The following MTR variants were observed in gnomAD, a reference collection of about 807,000 sequenced individuals.
MTR encodes the protein methionine synthase.
In MTR, 84 loss-of-function variants were observed where a neutral mutation model predicts 154.8. That is an observed-to-expected ratio of 0.54 (90% CI 0.45 to 0.65). The LOEUF (loss-of-function observed/expected upper bound fraction) is 0.65. MTR is among the 30% of genes least tolerant of loss of function. The pLI is 0.00. For synonymous variants in MTR, 554 were observed against 553.9 expected (o/e 1.00, Z 0.00); for missense variants, 1,275 against 1,570.2 (o/e 0.81, Z 3.18).
chr1:236,880,916 T>G, intron 25 of MTR, 80 bp downstream of exon 25: 1 of 1,337,106 alleles, frequency 7.5e-7, no homozygotes, highest in African/African-American at 1.4e-5. Flanking sequence ...TAAGATCTAT[T>G]CATTTTTATT....
At chr1:236,842,784 G>GTATCTATATATATA (rs1663334462) in intron 15 of MTR, among the ~76,000 whole-genome samples, 1 of 144,422 alleles carries the variant, frequency 6.9e-6, no homozygotes, top group Non-Finnish European at 1.5e-5. Flanking sequence ...AAAAAAAGAT[G>GTATCTATATATATA]TATATATATA....
At position 236,903,275 on chromosome 1, in the gene MTR, T is replaced by G. The variant is rs1160232951; in HGVS notation, c.*5631T>G. 6.6e-6 allele frequency: 1 copy of G among 152,204 alleles called. No homozygotes were observed. Among genetic ancestry groups the G allele is most frequent in the South Asian group, 2.1e-4 (1 of 4,834 alleles). The allele number at this position is 152,204 out of a possible 1,614,324, so 9.4% of individuals were successfully genotyped here. On this transcript the variant is annotated 3_prime_UTR_variant, in exon 33 of 33. Transcript: ENST00000366577. ...CTGCACTGTTTCAAATTTTTACAAG[T>G]GTATGTTATTGTACTTTTAAAAAGA... is the stretch of plus-strand genomic sequence containing the variant.
chr1:236,899,718 T>C lies in MTR; in HGVS notation c.*2074T>C, dbSNP rs759777373. The C allele has an allele frequency of 6.6e-6, 1 of 152,184 alleles. No individual in the cohort carries two copies. The highest frequency in any genetic ancestry group is 2.4e-5 in the African/African-American group (1 of 41,434). 9.4% of individuals were successfully genotyped at this position (152,184 alleles called of 1,614,324 possible). On this transcript the variant is annotated 3_prime_UTR_variant, in exon 33 of 33. Coordinates refer to ENST00000366577, the MANE Select transcript of MTR (RefSeq NM_000254.3). ...AGATGATCCACAACTTGAGAAGACATTTATAATACAAATAACTGATGAAGG... is the reference window on the plus strand; with the variant it reads ...AGATGATCCACAACTTGAGAAGACACTTATAATACAAATAACTGATGAAGG...
intron 14 of MTR, among the ~76,000 whole-genome samples, chr1:236,837,030 T>A (rs1662948195): frequency 6.6e-6 from 1 of 152,144 alleles, no homozygotes; most frequent in Non-Finnish European, 1.5e-5. Context: ...CTACAGTAAT[T>A]TCTTATCTTT....
chr1:236,816,595 T>TAA (rs772058343), intron 8 of MTR, 52 bp downstream of exon 8: 42 of 1,460,306 alleles, frequency 2.9e-5, no homozygotes, highest in Non-Finnish European at 3.8e-5. Flanking sequence ...GAACCTTTTC[T>TAA]GATGGCTGTG....
intron 27 of MTR, 68 bp downstream of exon 27, chr1:236,886,435 C>G (rs1666015044): frequency 6.9e-7 from 1 of 1,453,890 alleles, no homozygotes; most frequent in Non-Finnish European, 9.6e-7. Flanking sequence ...GAAATACATG[C>G]ATTTACTTGG....
intron 8 of MTR, chr1:236,820,013 C>CT: frequency 9.8e-7 from 1 of 1,025,090 alleles, no homozygotes; most frequent in Non-Finnish European, 1.5e-6. Context: ...TGGTTACTGA[C>CT]TCGAGGGCTG....
At chr1:236,838,638 A>G in intron 15 of MTR, 39 bp downstream of exon 15, 1 of 1,611,308 alleles carries the variant, frequency 6.2e-7, no homozygotes, top group Non-Finnish European at 8.5e-7. Context: ...TGTGTTTCCC[A>G]GGTTAGATAG....
At chr1:236,849,341 C>T (rs1332318593) in intron 15 of MTR, among the ~76,000 whole-genome samples, 3 of 151,728 alleles carry the variant, frequency 2.0e-5, no homozygotes, top group Admixed American at 6.6e-5. Context: ...AATAAAACAA[C>T]GAAAAATACT....
At position 236,852,650 on chromosome 1, in the gene MTR, A is replaced by T. The variant is rs775496609; in HGVS notation, c.1812+13A>T. 5 of 1,608,614 alleles carry T rather than the reference A, an allele frequency of 3.1e-6. No individual in the cohort carries two copies. Among genetic ancestry groups the T allele is most frequent in the Non-Finnish European group, 3.4e-6 (4 of 1,175,050 alleles). ...CCATGCAATCAAGGTATGGTAGAAG[A>T]ACTCTTAGCCCTGCGGAAACCAGTT... is the stretch of plus-strand genomic sequence containing the variant. On this transcript the variant is annotated intron_variant, in intron 17 of 32. Transcript: ENST00000366577.
chr1:236,894,062 G>T (rs1666482245), intron 29 of MTR, among the ~76,000 whole-genome samples: 1 of 151,964 alleles, frequency 6.6e-6, no homozygotes, highest in East Asian at 1.9e-4. Context: ...TAAATGTTTG[G>T]TCAGTGTGTG....
At chr1:236,886,436 A>G (rs1666015207) in intron 27 of MTR, 69 bp downstream of exon 27, 1 of 1,465,134 alleles carries the variant, frequency 6.8e-7, no homozygotes, top group Non-Finnish European at 9.5e-7. Flanking sequence ...AAATACATGC[A>G]TTTACTTGGC....
intron 25 of MTR, among the ~76,000 whole-genome samples, chr1:236,881,633 G>T (rs10754584): frequency 0.69 from 105,200 of 151,974 alleles, 37,088 homozygotes; most frequent in East Asian, 0.81. Context: ...GGAAGGTTAC[G>T]GAGGTGGCCT....
rs545097765 is a variant in MTR, at chr1:236,800,086, C to A, written c.35-3342C>A. ...ATTGAAAAGGGAATACAGTAAGGGC[C>A]CCATGGAAAAGTACTAAGACTTTTT... On this transcript the variant is annotated intron_variant, in intron 1 of 32. Coordinates refer to ENST00000366577, the MANE Select transcript of MTR (RefSeq NM_000254.3). 4 of 985,010 alleles carry A rather than the reference C, an allele frequency of 4.1e-6. No homozygotes were observed. In the African/African-American group the frequency reaches 7.0e-5, roughly 17 times the overall value. The allele number at this position is 985,010 out of a possible 1,614,324, so 61.0% of individuals were successfully genotyped here.
chr1:236,875,760 C>G (rs1057103587), intron 24 of MTR, among the ~76,000 whole-genome samples: 1 of 152,128 alleles, frequency 6.6e-6, no homozygotes, highest in Non-Finnish European at 1.5e-5. Context: ...TCCTTTTGCA[C>G]TACAAACAAC....
chr1:236,863,845 G>A (rs1318516933), intron 22 of MTR, among the ~76,000 whole-genome samples: 1 of 152,172 alleles, frequency 6.6e-6, no homozygotes, highest in Non-Finnish European at 1.5e-5. Flanking sequence ...TTGGGACAGA[G>A]GTGCTAATAG....
chr1:236,815,514 C>G, intron 6 of MTR, 90 bp from the exon 7 acceptor site: 4 of 1,296,142 alleles, frequency 3.1e-6, no homozygotes, highest in Non-Finnish European at 2.2e-6. Context: ...CTGAAGAGGT[C>G]TTAGAAAAGG....
At chr1:236,795,841 C>T in intron 1 of MTR, 104 bp downstream of exon 1, 1 of 1,556,054 alleles carries the variant, frequency 6.4e-7, no homozygotes, top group Admixed American at 1.7e-5. Context: ...AGACGCCCGG[C>T]GGTGTTTCCC....
At chr1:236,852,494 C>A in intron 16 of MTR, 27 bp from the exon 17 acceptor site, 2 of 1,561,978 alleles carry the variant, frequency 1.3e-6, no homozygotes, top group Non-Finnish European at 1.8e-6. Context: ...AAAGGGGAAT[C>A]TTTTCATATT....
Sources: gnomAD v4.1 joint callset for allele counts (sites outside exome capture counted in the v4.1 genomes callset) on GRCh38, gnomAD v4.1.1 for gene constraint, MANE v1.5 for transcripts, NCBI Gene and HGNC (gene_info 2026-07-23, HGNC 2026-07-21) for gene names.